DPP10: variants seen among roughly 807,000 people sequenced by gnomAD.
DPP10 encodes dipeptidyl peptidase like 10.
In DPP10, 33 loss-of-function variants were observed where a neutral mutation model predicts 120.9. The observed-to-expected ratio is 0.27, with a 90% confidence interval of 0.21 to 0.37. DPP10 has a LOEUF of 0.37. DPP10 is among the 10% of genes least tolerant of loss of function. The probability of loss-of-function intolerance (pLI) is 1.00; values close to 1 mark genes in which losing one functional copy is unlikely to be tolerated. For missense variants in DPP10, 816 were observed against 942.8 expected (o/e 0.87, Z 1.76); for synonymous variants, 337 against 326.1 (o/e 1.03, Z -0.36).
chr2:115,237,464 G>T (rs1241252611), intron 1 of DPP10, among the ~76,000 whole-genome samples: 1 of 152,044 alleles, frequency 6.6e-6, no homozygotes, highest in Non-Finnish European at 1.5e-5. Flanking sequence ...TGAAATTATG[G>T]CAATTAATAA....
intron 1 of DPP10, among the ~76,000 whole-genome samples, chr2:114,563,594 A>G (rs975923706): frequency 6.6e-6 from 1 of 152,228 alleles, no homozygotes; most frequent in African/African-American, 2.4e-5. Flanking sequence ...TATTCTATTG[A>G]CATCTGCTAT....
At position 115,823,030 on chromosome 2, in the gene DPP10, G is replaced by C. The variant is rs1173437242; in HGVS notation, c.1950+7301G>C. Among the ~76,000 whole-genome samples, 3 of 151,880 alleles carry C rather than the reference G, an allele frequency of 2.0e-5. No homozygotes were observed. The East Asian group carries it at 5.8e-4, about 29-fold the overall frequency. ...ATGTGTATTTTTAAAAATATATTTA[G>C]CATCATTATCTGATATTTTACATCT... On this transcript the variant is annotated intron_variant, in intron 21 of 25. Coordinates refer to ENST00000410059, the MANE Select transcript of DPP10 (RefSeq NM_020868.6).
intron 3 of DPP10, among the ~76,000 whole-genome samples, chr2:115,367,990 A>G (rs2065178816): frequency 6.6e-6 from 1 of 152,112 alleles, no homozygotes; most frequent in South Asian, 2.1e-4. Context: ...GTTTAGGTTC[A>G]TGTCCCTTAA....
At chr2:114,901,260 T>C (rs1193202231) in intron 1 of DPP10, among the ~76,000 whole-genome samples, 1 of 152,162 alleles carries the variant, frequency 6.6e-6, no homozygotes, top group Non-Finnish European at 1.5e-5. Flanking sequence ...TGCAGTGGCA[T>C]GAACTCTGCT....
chr2:115,201,034 G>A (rs1559230110), intron 1 of DPP10, among the ~76,000 whole-genome samples: 1 of 152,134 alleles, frequency 6.6e-6, no homozygotes, highest in Non-Finnish European at 1.5e-5. Flanking sequence ...GTCCTACTTT[G>A]GATCATCCTC....
intron 1 of DPP10, among the ~76,000 whole-genome samples, chr2:115,139,691 C>CAATTGGAA (rs1273642457): frequency 9.1e-6 from 1 of 109,604 alleles, no homozygotes; most frequent in African/African-American, 3.6e-5. Context: ...GAATAGCCTG[C>CAATTGGAA]AATTGGAAGG....
intron 1 of DPP10, among the ~76,000 whole-genome samples, chr2:114,838,856 A>G (rs1687940258): frequency 6.6e-6 from 1 of 152,024 alleles, no homozygotes; most frequent in Non-Finnish European, 1.5e-5. Flanking sequence ...TGGATTGACT[A>G]TTCTTTATCT....
Position 115,358,670 on chromosome 2 carries a change from A to G in DPP10, c.271+14758A>G, listed in dbSNP as rs372471607. On this transcript the variant is annotated intron_variant, in intron 3 of 25. Transcript: ENST00000410059. ...CACTCTACCAGTACAAATTTACTGT[A>G]TAAGTCTGTTCTCACGCTGCTATGA... Among the ~76,000 whole-genome samples the G allele has an allele frequency of 1.3e-4, 20 of 152,306 alleles. No homozygotes were observed. The South Asian group carries it at 3.7e-3, about 28-fold the overall frequency.
At chr2:115,677,120 A>C (rs974203865) in intron 5 of DPP10, among the ~76,000 whole-genome samples, 1 of 152,146 alleles carries the variant, frequency 6.6e-6, no homozygotes, top group African/African-American at 2.4e-5. Flanking sequence ...GGAGAAATAA[A>C]GTGTTTCCCA....
At chr2:115,270,117 CA>C (rs2059634419) in intron 1 of DPP10, among the ~76,000 whole-genome samples, 1 of 144,416 alleles carries the variant, frequency 6.9e-6, no homozygotes, top group Non-Finnish European at 1.5e-5. Context: ...CACACACAGA[CA>C]CACACACAAA....
At chr2:114,586,865 G>A (rs1193238412) in intron 1 of DPP10, among the ~76,000 whole-genome samples, 2 of 152,194 alleles carry the variant, frequency 1.3e-5, no homozygotes, top group Non-Finnish European at 2.9e-5. Context: ...CTCTTGCCAT[G>A]TGATCTCCAC....
At chr2:114,505,317 G>A (rs1683552668) in intron 1 of DPP10, among the ~76,000 whole-genome samples, 1 of 152,038 alleles carries the variant, frequency 6.6e-6, no homozygotes. Flanking sequence ...CAGATATATT[G>A]GGGAAAACTA....
chr2:115,518,304 C>T (rs2077611530), intron 4 of DPP10, among the ~76,000 whole-genome samples: 1 of 152,062 alleles, frequency 6.6e-6, no homozygotes, highest in Non-Finnish European at 1.5e-5. Context: ...AAATCTGGCA[C>T]AATTAAATAT....
intron 4 of DPP10, among the ~76,000 whole-genome samples, chr2:115,505,173 A>T (rs1265127529): frequency 6.6e-6 from 1 of 152,096 alleles, no homozygotes; most frequent in Non-Finnish European, 1.5e-5. Flanking sequence ...TTTATTATGC[A>T]TATTGTTAAA....
At chr2:115,344,034 G>GCCTC in intron 3 of DPP10, 122 bp downstream of exon 3, 2 of 635,464 alleles carry the variant, frequency 3.1e-6, no homozygotes, top group Non-Finnish European at 4.6e-6. Flanking sequence ...ACCTTGGGAG[G>GCCTC]CCAAGGCAGG....
intron 3 of DPP10, among the ~76,000 whole-genome samples, chr2:115,481,904 A>G (rs1375841759): frequency 1.3e-5 from 2 of 152,116 alleles, no homozygotes; most frequent in Non-Finnish European, 2.9e-5. Flanking sequence ...TAGTAGAGGT[A>G]AGGATGAGAA....
At chr2:115,399,988 G>C (rs374666610) in intron 3 of DPP10, among the ~76,000 whole-genome samples, 12 of 152,242 alleles carry the variant, frequency 7.9e-5, no homozygotes, top group African/African-American at 2.9e-4. Flanking sequence ...CTCCAATCAT[G>C]ATGGAAGGTA....
chr2:115,580,243 C>A (rs1171972091), intron 5 of DPP10: 1 of 152,002 alleles, frequency 6.6e-6, no homozygotes, highest in African/African-American at 2.4e-5. Flanking sequence ...TTTGTCCCAG[C>A]AAATAAAAAT....
At chr2:115,663,188 AT>A (rs1200491996) in intron 5 of DPP10, among the ~76,000 whole-genome samples, 1 of 152,182 alleles carries the variant, frequency 6.6e-6, no homozygotes, top group Admixed American at 6.5e-5. Flanking sequence ...AATGAAAAAA[AT>A]GCAATGTTTT....
Sources: allele counts gnomAD v4.1 joint callset (sites outside exome capture counted in the v4.1 genomes callset), GRCh38; gene constraint gnomAD v4.1.1; transcripts MANE v1.5; gene names NCBI Gene and HGNC (gene_info 2026-07-23, HGNC 2026-07-21).